VPS13D: variants seen among roughly 807,000 people sequenced by gnomAD.
VPS13D encodes the protein intermembrane lipid transfer protein VPS13D.
A neutral mutation model predicts 461.9 loss-of-function variants in VPS13D; 187 were observed. That is an observed-to-expected ratio of 0.40 (90% CI 0.36 to 0.46). The LOEUF is 0.46. Among genes scored for constraint, VPS13D ranks in the 20% least tolerant of loss-of-function variants. The pLI is 0.60. For missense variants in VPS13D, 4,711 were observed against 5,364.9 expected, an observed-to-expected ratio of 0.88 and a Z score of 3.81; for synonymous variants, 1,951 against 1,986.3, an observed-to-expected ratio of 0.98 and a Z score of 0.47.
Position 12,256,518 on chromosome 1 carries a change from C to T in VPS13D, c.840+15C>T, listed in dbSNP as rs2101264090. On this transcript the variant is annotated intron_variant, in intron 8 of 69. Transcript: ENST00000620676. ...AACTCTCTCAGGTATGCCCTTTCTT[C>T]TCAGTGGCATCTACTTACTGTCAAA... The T allele has an allele frequency of 6.2e-7, 1 of 1,612,976 alleles. No homozygotes were observed.
At chr1:12,396,489 C>G (rs769352076) in intron 60 of VPS13D, among the ~76,000 whole-genome samples, 1 of 152,120 alleles carries the variant, frequency 6.6e-6, no homozygotes, top group Non-Finnish European at 1.5e-5. Flanking sequence ...ATACTTGGAA[C>G]GCTTTTCCTT....
intron 67 of VPS13D, among the ~76,000 whole-genome samples, chr1:12,469,767 C>A (rs905941917): frequency 6.6e-6 from 1 of 152,194 alleles, no homozygotes; most frequent in African/African-American, 2.4e-5. Context: ...AGACCTCTTA[C>A]AATAATTTAC....
intron 67 of VPS13D, among the ~76,000 whole-genome samples, chr1:12,464,752 G>T (rs1645459628): frequency 1.3e-5 from 2 of 152,136 alleles, no homozygotes; most frequent in South Asian, 4.1e-4. Context: ...CAGAGCCTTT[G>T]GCCTCAACAT....
Position 12,276,898 on chromosome 1 carries a change from TCCCTAC to T in VPS13D, c.3311_3316del (p.Ser1104_Gln1106delinsTer). 2 of 1,614,220 alleles carry T rather than the reference TCCCTAC, an allele frequency of 1.2e-6. No individual in the cohort carries two copies. Among genetic ancestry groups the T allele is most frequent in the Non-Finnish European group, 1.7e-6 (2 of 1,180,032 alleles). On this transcript the variant is annotated stop_gained and inframe_deletion, in exon 19 of 70. Coordinates refer to ENST00000620676, the MANE Select transcript of VPS13D (RefSeq NM_015378.4). LOFTEE classifies it high-confidence loss of function. The surrounding 1 kb of genome is among the most constrained non-coding windows in gnomAD (Gnocchi z 4.5). Reference sequence around the variant, plus strand: ...TTTAGACAGTACTCTTCAGGTGATTTCCCTACAGGTGAATAATTTAGATATTATCCT... The same window carrying T: ...TTTAGACAGTACTCTTCAGGTGATTTAGGTGAATAATTTAGATATTATCCT...
At position 12,314,154 on chromosome 1, in the gene VPS13D, T is replaced by C; in HGVS notation, c.6975T>C (p.Phe2325=). 6.2e-7 allele frequency: 1 copy of C among 1,614,198 alleles called. No individual in the cohort carries two copies. The highest frequency in any genetic ancestry group is 8.5e-7 in the Non-Finnish European group (1 of 1,180,016). ...FKKCKLLYES[F]SNQTKSINLV... ...AATGCAAACTGCTCTATGAAAGTTTTTCCAACCAAACCAAGTCCATTAACT... is the reference window on the plus strand; with the variant it reads ...AATGCAAACTGCTCTATGAAAGTTTCTCCAACCAAACCAAGTCCATTAACT... Residue 2325 remains phenylalanine, a synonymous_variant, in exon 30 of 70, where the codon TTT becomes TTC. Coordinates refer to ENST00000620676, the MANE Select transcript of VPS13D (RefSeq NM_015378.4).
chr1:12,257,226 C>A, intron 9 of VPS13D, 139 bp downstream of exon 9: 1 of 688,228 alleles, frequency 1.5e-6, no homozygotes. Flanking sequence ...CCTTGGAATG[C>A]CATTCCCATT....
intron 63 of VPS13D, chr1:12,409,786 A>G: frequency 6.9e-6 from 3 of 437,766 alleles, no homozygotes; most frequent in South Asian, 4.9e-5. Context: ...AAGAAAAGAC[A>G]GATCGTGGGG....
At chr1:12,254,442 T>C (rs1640843958) in intron 7 of VPS13D, among the ~76,000 whole-genome samples, 1 of 151,754 alleles carries the variant, frequency 6.6e-6, no homozygotes, top group Middle Eastern at 3.2e-3. Flanking sequence ...TGGCATTCCC[T>C]TAAGTGATAT....
intron 25 of VPS13D, among the ~76,000 whole-genome samples, chr1:12,302,966 G>A (rs1021770949): frequency 5.3e-5 from 8 of 151,690 alleles, no homozygotes; most frequent in Non-Finnish European, 1.0e-4. Context: ...TGTTTGGAGT[G>A]TGTTGCTTGT....
chr1:12,408,068 A>G (rs893060989), intron 63 of VPS13D, among the ~76,000 whole-genome samples: 1 of 152,194 alleles, frequency 6.6e-6, no homozygotes, highest in Non-Finnish European at 1.5e-5. Flanking sequence ...AGTTTCTCCG[A>G]CAGTGAAATG....
chr1:12,423,503 C>T (rs752257434), intron 65 of VPS13D, among the ~76,000 whole-genome samples: 3 of 152,132 alleles, frequency 2.0e-5, no homozygotes, highest in Non-Finnish European at 4.4e-5. Flanking sequence ...AAGTTGAGAC[C>T]GAGAAAACGA....
intron 2 of VPS13D, 75 bp from the exon 3 acceptor site, chr1:12,242,435 CCTT>C: frequency 2.3e-6 from 3 of 1,328,596 alleles, no homozygotes; most frequent in Non-Finnish European, 3.2e-6. Flanking sequence ...TTCCCTTTAA[CCTT>C]CAATGCTTTA....
intron 67 of VPS13D, among the ~76,000 whole-genome samples, chr1:12,484,154 T>C (rs915273048): frequency 2.7e-4 from 41 of 152,244 alleles, no homozygotes; most frequent in Non-Finnish European, 1.3e-4. Context: ...TTGGTACTGA[T>C]GCTGTACATC....
In VPS13D at chr1:12,362,780, C is replaced by G; in HGVS notation, c.10202C>G (p.Pro3401Arg). The G allele has an allele frequency of 6.2e-7, 1 of 1,614,192 alleles. No homozygotes were observed. Among genetic ancestry groups the G allele is most frequent in the South Asian group, 1.1e-5 (1 of 91,074 alleles). The change falls in exon 51 of 70, where the codon CCC becomes CGC. Residue 3401 changes from proline to arginine, a missense_variant. Physicochemically the swap from Pro to Arg is moderately radical, Grantham distance 103. Transcript: ENST00000620676. ...GATACCTGCATGGTCATCTTTGCCC[C>G]CCGTTACCTGTTAGATAATAAATCA... ...YIDTCMVIFA[P>R]RYLLDNKSSH...
intron 35 of VPS13D, among the ~76,000 whole-genome samples, chr1:12,324,732 A>G (rs1306559867): frequency 6.6e-6 from 1 of 152,194 alleles, no homozygotes; most frequent in Non-Finnish European, 1.5e-5. Flanking sequence ...AATGTTAACC[A>G]CTGTTACTAG....
At chr1:12,390,650 A>G (rs879939031) in intron 60 of VPS13D, among the ~76,000 whole-genome samples, 45 of 152,200 alleles carry the variant, frequency 3.0e-4, no homozygotes, top group Non-Finnish European at 5.9e-4. Flanking sequence ...AAGAGGTACA[A>G]TATAATCAAC....
chr1:12,283,107 C>G lies in VPS13D; in HGVS notation c.5005C>G (p.His1669Asp). 6.2e-7 allele frequency: 1 copy of G among 1,614,152 alleles called. No homozygotes were observed. The highest frequency in any genetic ancestry group is 8.5e-7 in the Non-Finnish European group (1 of 1,180,018). Reference sequence around the variant, plus strand: ...GACTTTATCTATTCAGATTGCCCTGCATTCTCTGCTGATGGAGGACTTATT... The same window carrying G: ...GACTTTATCTATTCAGATTGCCCTGGATTCTCTGCTGATGGAGGACTTATT... Reference protein sequence around the residue: ...PQTLSIQIALHSLLMEDLLEK... With the variant: ...PQTLSIQIALDSLLMEDLLEK... The change falls in exon 21 of 70, where the codon CAT becomes GAT. Residue 1669 changes from histidine to aspartate, a missense_variant. By Grantham distance (81) the His-to-Asp change is moderately conservative (BLOSUM62 -1). Coordinates refer to ENST00000620676, the MANE Select transcript of VPS13D (RefSeq NM_015378.4).
At chr1:12,474,713 C>G (rs1476522583) in intron 67 of VPS13D, among the ~76,000 whole-genome samples, 1 of 152,170 alleles carries the variant, frequency 6.6e-6, no homozygotes, top group Non-Finnish European at 1.5e-5. Flanking sequence ...CTTTGTAATT[C>G]ATTTCAAACT....
Position 12,277,674 on chromosome 1 carries a change from G to A in VPS13D, c.4086G>A (p.Gly1362=). 6.2e-7 allele frequency: 1 copy of A among 1,614,158 alleles called. No individual in the cohort carries two copies. The highest frequency in any genetic ancestry group is 8.5e-7 in the Non-Finnish European group (1 of 1,180,036). Residue 1362 remains glycine (G), a synonymous_variant, in exon 19 of 70, where the codon GGG becomes GGA. Transcript: ENST00000620676. ...PFILEENEIY[G]FDLASSHLDT... Reference sequence around the variant, plus strand: ...TCTTAGAGGAAAATGAAATATATGGGTTTGACCTAGCTTCGTCTCATTTGG... The same window carrying A: ...TCTTAGAGGAAAATGAAATATATGGATTTGACCTAGCTTCGTCTCATTTGG...
Sources: gnomAD v4.1 joint callset for allele counts (sites outside exome capture counted in the v4.1 genomes callset) on GRCh38, gnomAD v4.1.1 for gene constraint, Gnocchi (gnomAD v3.1) non-coding constraint, MANE v1.5 for transcripts, NCBI Gene and HGNC (gene_info 2026-07-23, HGNC 2026-07-21) for gene names.